Variants in CHD7 observed in about 807,000 individuals in gnomAD.
The protein encoded by CHD7 is chromodomain helicase DNA binding protein 7, also known as ATP-dependent chromatin remodeler CHD7.
CHD7 carries 24 observed loss-of-function variants against 307.3 expected under a neutral mutation model. The ratio of observed to expected loss-of-function variants is 0.08; its 90% CI spans 0.06 to 0.11. The LOEUF (loss-of-function observed/expected upper bound fraction) is 0.11. Ranked by LOEUF, CHD7 falls within the 10% of genes least tolerant of loss-of-function variation. The pLI is 1.00. For missense variants in CHD7, 3,106 were observed against 3,727.1 expected (o/e 0.83, Z 4.34); for synonymous variants, 1,363 against 1,349.9 (o/e 1.01, Z -0.21).
At chr8:60,862,111 T>C in intron 35 of CHD7, 85 bp from the exon 36 acceptor site, 1 of 990,090 alleles carries the variant, frequency 1.0e-6, no homozygotes, top group Non-Finnish European at 1.5e-6. Flanking sequence ...TAATTGAAGA[T>C]GATCTGACAG....
intron 3 of CHD7, among the ~76,000 whole-genome samples, chr8:60,786,629 T>A (rs767004137): frequency 1.3e-5 from 2 of 152,192 alleles, no homozygotes; most frequent in Non-Finnish European, 2.9e-5. Context: ...GGGAGATTTT[T>A]CTGGAGACAC....
At chr8:60,807,059 T>G (rs868526024) in intron 6 of CHD7, among the ~76,000 whole-genome samples, 1 of 152,186 alleles carries the variant, frequency 6.6e-6, no homozygotes, top group Admixed American at 6.5e-5. Flanking sequence ...TTAACTGTTA[T>G]AAGTGAGAGT....
intron 7 of CHD7, chr8:60,809,701 A>G (rs1216378592): frequency 6.6e-6 from 1 of 150,530 alleles, no homozygotes; most frequent in East Asian, 1.9e-4. Flanking sequence ...AAAAGAAAAA[A>G]AAGGTTTTCT....
At chr8:60,779,700 C>T (rs1001544159) in intron 2 of CHD7, among the ~76,000 whole-genome samples, 3 of 152,160 alleles carry the variant, frequency 2.0e-5, no homozygotes, top group Admixed American at 2.0e-4. Context: ...GTACAGTAGT[C>T]ACGAGGCTCT....
chr8:60,820,804 A>G (rs748635444), intron 9 of CHD7, among the ~76,000 whole-genome samples: 6 of 152,194 alleles, frequency 3.9e-5, no homozygotes, highest in Non-Finnish European at 8.8e-5. Flanking sequence ...CTGTGTCATG[A>G]CACTCTATGA....
Position 60,862,557 on chromosome 8 carries a change from G to A in CHD7, c.7981G>A (p.Ala2661Thr). Residue 2661 changes from alanine (A) to threonine (T), a missense_variant, in exon 37 of 38, where the codon GCT becomes ACT. Transcript: ENST00000423902. ...AAATGCCTCTACCCAGATGGGTGGA[G>A]CTATGGCGCCTCCAATGAAGGATCT... ...NKRNGKKMGG[A>T]MAPPMKDLPR... 1.3e-6 allele frequency: 2 copies of A among 1,571,166 alleles called. No homozygotes were observed. Among genetic ancestry groups the A allele is most frequent in the Non-Finnish European group, 8.6e-7 (1 of 1,157,066 alleles).
chr8:60,821,675 C>T (rs911260953), intron 9 of CHD7, 115 bp from the exon 10 acceptor site: 16 of 766,950 alleles, frequency 2.1e-5, no homozygotes, highest in Non-Finnish European at 3.1e-5. Context: ...TATGTATAAA[C>T]ATATATATAC....
At chr8:60,787,477 A>G (rs1371807584) in intron 3 of CHD7, among the ~76,000 whole-genome samples, 1 of 152,216 alleles carries the variant, frequency 6.6e-6, no homozygotes, top group African/African-American at 2.4e-5. Flanking sequence ...TGAAAGGCCT[A>G]TTTTTTATAT....
chr8:60,832,731 T>C (rs996827777), intron 15 of CHD7, among the ~76,000 whole-genome samples: 2 of 152,238 alleles, frequency 1.3e-5, no homozygotes, highest in African/African-American at 2.4e-5. Context: ...TTTGGTCATA[T>C]GTTAATTATA....
rs1386056055 is a variant in CHD7 at position 60,743,034 on chromosome 8, C to A, written c.1602C>A (p.His534Gln). 4 of 1,614,006 alleles carry A rather than the reference C, an allele frequency of 2.5e-6. No individual in the cohort carries two copies. Among genetic ancestry groups the A allele is most frequent in the Non-Finnish European group, 3.4e-6 (4 of 1,179,888 alleles). The change falls in exon 2 of 38, where the codon CAC becomes CAA. Residue 534 changes from histidine (H) to glutamine (Q), a missense_variant. Physicochemically the swap from His to Gln is conservative, Grantham distance 24. Transcript: ENST00000423902. ...AGTCTTCACCTCCACACCCTCATCA[C>A]CAGCCTTGGGCACAGCTCCACCCAT... is the stretch of plus-strand genomic sequence containing the variant. The part of the protein sequence containing the change: ...HHQSSPPHPH[H>Q]QPWAQLHPSP...
At chr8:60,732,216 C>T (rs1042539539) in intron 1 of CHD7, among the ~76,000 whole-genome samples, 2 of 152,232 alleles carry the variant, frequency 1.3e-5, no homozygotes, top group East Asian at 1.9e-4. Flanking sequence ...TAAACTCCCC[C>T]AGAATATGAA....
chr8:60,800,289 C>T, intron 4 of CHD7, 99 bp from the exon 5 acceptor site: 1 of 1,257,968 alleles, frequency 7.9e-7, no homozygotes. Context: ...GCCTCGGCCT[C>T]CCAAAGTGCT....
At chr8:60,855,584 G>C (rs1167877062) in intron 32 of CHD7, among the ~76,000 whole-genome samples, 1 of 152,204 alleles carries the variant, frequency 6.6e-6, no homozygotes, top group Non-Finnish European at 1.5e-5. Flanking sequence ...GCGGCAAGAA[G>C]CTAATGCAGG....
chr8:60,704,869 G>C (rs1266562466), intron 1 of CHD7, among the ~76,000 whole-genome samples: 1 of 152,154 alleles, frequency 6.6e-6, no homozygotes, highest in Non-Finnish European at 1.5e-5. Context: ...GGCTTGGCTG[G>C]TGGAATACTG....
Position 60,845,030 on chromosome 8 carries a change from G to T in CHD7, c.5017G>T (p.Asp1673Tyr), listed in dbSNP as rs769563309. 6.2e-7 allele frequency: 1 copy of T among 1,613,964 alleles called. No homozygotes were observed. Among genetic ancestry groups the T allele is most frequent in the Non-Finnish European group, 8.5e-7 (1 of 1,179,882 alleles). ...FIWDLITPTA[D>Y]GQTRALVNHS... ...CTGGGATCTGATCACACCCACAGCG[G>T]ATGGCCAGACTCGAGCCTTGGTCAA... Residue 1673 changes from aspartate to tyrosine, a missense_variant, in exon 22 of 38, where the codon GAT becomes TAT. Asp to Tyr is a radical substitution (Grantham distance 160). This residue lies in a region of CHD7 where 28 missense variants were observed against 64.7 expected (regional missense o/e 0.43). Transcript: ENST00000423902.
intron 26 of CHD7, 28 bp downstream of exon 26, chr8:60,850,650 A>G: frequency 1.3e-6 from 2 of 1,589,926 alleles, no homozygotes; most frequent in Non-Finnish European, 1.7e-6. Context: ...AAATTTGAAT[A>G]AACTTTATGT....
At chr8:60,708,555 C>T (rs999832444) in intron 1 of CHD7, among the ~76,000 whole-genome samples, 1 of 152,302 alleles carries the variant, frequency 6.6e-6, no homozygotes, top group South Asian at 2.1e-4. Flanking sequence ...TGCAGGCCTC[C>T]CCTACTGCCT....
chr8:60,770,782 C>G (rs1810671813), intron 2 of CHD7, among the ~76,000 whole-genome samples: 1 of 152,152 alleles, frequency 6.6e-6, no homozygotes, highest in Admixed American at 6.5e-5. Context: ...TTTATCTCAC[C>G]TGGACTCTTC....
intron 1 of CHD7, among the ~76,000 whole-genome samples, chr8:60,698,683 C>T (rs1806612388): frequency 6.6e-6 from 1 of 152,202 alleles, no homozygotes; most frequent in Admixed American, 6.5e-5. Context: ...ATTGTTAAGG[C>T]TTGCTTTGTT....
Sources: allele counts gnomAD v4.1 joint callset (sites outside exome capture counted in the v4.1 genomes callset), GRCh38; gene constraint gnomAD v4.1.1; regional missense constraint gnomAD v4.1.1; transcripts MANE v1.5; gene names NCBI Gene and HGNC (gene_info 2026-07-23, HGNC 2026-07-21).